Variants in HNRNPDL observed in about 807,000 individuals in gnomAD.
HNRNPDL encodes the protein heterogeneous nuclear ribonucleoprotein D like.
In HNRNPDL, 18 loss-of-function variants were observed where a neutral mutation model predicts 48.0. That is an observed-to-expected ratio of 0.38 (90% CI 0.26 to 0.56). The LOEUF is 0.56. Among genes scored for constraint, HNRNPDL ranks in the 20% least tolerant of loss-of-function variants. The pLI, the probability that HNRNPDL is intolerant of heterozygous loss-of-function variation, is 0.77. For missense variants in HNRNPDL, 553 were observed against 540.7 expected, an observed-to-expected ratio of 1.02 and a Z score of -0.23; for synonymous variants, 306 against 207.3, an observed-to-expected ratio of 1.48 and a Z score of -4.09.
In HNRNPDL at chr4:82,428,042, T is replaced by C. The variant is rs2110029329; in HGVS notation, c.750A>G (p.Lys250=). 1 of 1,614,110 alleles carries C rather than the reference T, an allele frequency of 6.2e-7. No individual in the cohort carries two copies. Among genetic ancestry groups the C allele is most frequent in the Non-Finnish European group, 8.5e-7 (1 of 1,180,006 alleles). The part of the protein sequence containing the change: ...LSPDTSEEQI[K]EYFGAFGEIE... ...CCTCTCCAAAGGCTCCAAAATATTC[T>C]TTAATTTGTTCTTCAGAAGTATCCG... The change falls in exon 3 of 8, where the codon AAA becomes AAG. Residue 250 remains lysine, a synonymous_variant. Transcript: ENST00000295470.
Position 82,426,760 on chromosome 4 carries a change from C to T in HNRNPDL, c.1022-127G>A. Reference sequence around the variant, plus strand: ...GAATGGACATATATATTGCTATCTGCTTGAAAAACTATTTTTCCAGCTGTT... The same window carrying T: ...GAATGGACATATATATTGCTATCTGTTTGAAAAACTATTTTTCCAGCTGTT... On this transcript the variant is annotated intron_variant, in intron 5 of 7. Transcript: ENST00000295470. 7 of 744,486 alleles carry T rather than the reference C, an allele frequency of 9.4e-6. No homozygotes were observed. The South Asian group carries it at 1.2e-4, about 13-fold the overall frequency. 46.1% of individuals were successfully genotyped at this position (744,486 alleles called of 1,614,324 possible).
intron 5 of HNRNPDL, 113 bp downstream of exon 5, chr4:82,427,077 C>T (rs1721442565): frequency 1.3e-6 from 1 of 799,002 alleles, no homozygotes; most frequent in Non-Finnish European, 2.2e-6. Flanking sequence ...ACAGTCCCCC[C>T]TCCGCTGGAA....
At position 82,429,593 on chromosome 4, in the gene HNRNPDL, C is replaced by G; in HGVS notation, c.98G>C (p.Arg33Pro). 1 of 1,375,594 alleles carries G rather than the reference C, an allele frequency of 7.3e-7. No individual in the cohort carries two copies. The highest frequency in any genetic ancestry group is 9.4e-7 in the Non-Finnish European group (1 of 1,068,716). The allele number at this position is 1,375,594 out of a possible 1,614,324, so 85.2% of individuals were successfully genotyped here. ...GAGCGGGGCTAGCTGCCGCGGCGGC[C>G]GCGGCCGCCAATGGGAGAGGCTGCG... ...ASRSLSHWRP[R>P]PPRQLAPLLP... Residue 33 changes from arginine to proline, a missense_variant, in exon 1 of 8, where the codon CGG becomes CCG. Around this residue, in one of 4 missense-constraint regions of HNRNPDL, gnomAD observed 327 missense variants for 203.2 expected, o/e 1.61. Transcript: ENST00000295470.
Position 82,423,868 on chromosome 4 carries a change from TTAAC to T in HNRNPDL, c.*1034_*1037del, listed in dbSNP as rs1721300151. 1.3e-5 allele frequency: 2 copies of T among 152,232 alleles called. No individual in the cohort carries two copies. Among genetic ancestry groups the T allele is most frequent in the Non-Finnish European group, 2.9e-5 (2 of 68,038 alleles). 9.4% of individuals were successfully genotyped at this position (152,232 alleles called of 1,614,324 possible). On this transcript the variant is annotated 3_prime_UTR_variant, in exon 8 of 8. Coordinates refer to ENST00000295470, the MANE Select transcript of HNRNPDL (RefSeq NM_031372.4). ...TATTCCTTTCTGAATATGTAAATATTTAACTACTTAGTTCATGCACTGTGTCAAA... is the reference window on the plus strand; with the variant it reads ...TATTCCTTTCTGAATATGTAAATATTTACTTAGTTCATGCACTGTGTCAAA...
chr4:82,427,309 AAAC>A lies in HNRNPDL; in HGVS notation c.907-8_907-6del. ...TTGTGCAACTTTGATTTCACACTAT[AAAC>A]AAAAAACATGAAAGTATAATTTTTA... On this transcript the variant is annotated splice_polypyrimidine_tract_variant and splice_region_variant and intron_variant, in intron 4 of 7. Transcript: ENST00000295470. The A allele has an allele frequency of 6.4e-7, 1 of 1,568,308 alleles. No homozygotes were observed. Among genetic ancestry groups the A allele is most frequent in the Non-Finnish European group, 8.6e-7 (1 of 1,158,764 alleles).
rs1187686165 is a variant in HNRNPDL at position 82,426,649 on chromosome 4, A to G, written c.1022-16T>C. On this transcript the variant is annotated splice_polypyrimidine_tract_variant and intron_variant, in intron 5 of 7. Transcript: ENST00000295470. The stretch of plus-strand genomic sequence containing the variant: ...TGGCCCTGACCTGAAACAATGCACA[A>G]TGATTGTTAGGAAACAACTTCTGAC... The G allele has an allele frequency of 1.2e-6, 2 of 1,610,504 alleles. No homozygotes were observed. Among genetic ancestry groups the G allele is most frequent in the African/African-American group, 1.3e-5 (1 of 74,966 alleles).
intron 1 of HNRNPDL, among the ~76,000 whole-genome samples, chr4:82,428,916 C>T (rs1291645075): frequency 6.6e-6 from 1 of 152,192 alleles, no homozygotes; most frequent in East Asian, 1.9e-4. Flanking sequence ...CGAGTGGTAA[C>T]AGAGACACAA....
rs960441080 is a variant in HNRNPDL at position 82,429,445 on chromosome 4, G to C, written c.246C>G (p.Arg82=). The C allele has an allele frequency of 6.2e-7, 1 of 1,608,378 alleles. No homozygotes were observed. Among genetic ancestry groups the C allele is most frequent in the Non-Finnish European group, 8.5e-7 (1 of 1,177,584 alleles). ...GAAIKGGRRR[R]PDLFRRHFKS... is the part of the protein sequence containing the mutation. ...TAAAATGGCGGCGGAAGAGATCCGG[G>C]CGCCGCCTGCGCCCTCCCTTTATAG... The change falls in exon 1 of 8, where the codon CGC becomes CGG. Residue 82 remains arginine (R), a synonymous_variant. Transcript: ENST00000295470.
In HNRNPDL at chr4:82,429,584, C is replaced by A. The variant is rs1289857424; in HGVS notation, c.107G>T (p.Arg36Leu). Reference protein sequence around the residue: ...SLSHWRPRPPRQLAPLLPSLA... With the variant: ...SLSHWRPRPPLQLAPLLPSLA... Reference sequence around the variant, plus strand: ...CGAAGGGAGGAGCGGGGCTAGCTGCCGCGGCGGCCGCGGCCGCCAATGGGA... The same window carrying A: ...CGAAGGGAGGAGCGGGGCTAGCTGCAGCGGCGGCCGCGGCCGCCAATGGGA... Residue 36 changes from arginine (R) to leucine (L), a missense_variant, in exon 1 of 8, where the codon CGG (arginine) becomes CTG (leucine). Physicochemically the swap from Arg to Leu is moderately radical, Grantham distance 102. This residue lies in a region of HNRNPDL where 327 missense variants were observed against 203.2 expected (regional missense o/e 1.61). Coordinates refer to ENST00000295470, the MANE Select transcript of HNRNPDL (RefSeq NM_031372.4). 2.2e-6 allele frequency: 3 copies of A among 1,376,714 alleles called. No homozygotes were observed. The Admixed American group carries it at 1.2e-4, about 54-fold the overall frequency. The allele number at this position is 1,376,714 out of a possible 1,614,324, so 85.3% of individuals were successfully genotyped here.
At chr4:82,428,488 A>G in intron 1 of HNRNPDL, 42 bp from the exon 2 acceptor site, 4 of 1,455,118 alleles carry the variant, frequency 2.7e-6, no homozygotes, top group Non-Finnish European at 3.8e-6. Flanking sequence ...ACAATAACTC[A>G]AATGATCCTT....
chr4:82,427,269 A>G lies in HNRNPDL; in HGVS notation c.942T>C (p.Tyr314=), dbSNP rs1721452494. The change falls in exon 5 of 8, where the codon TAT becomes TAC. Residue 314 remains tyrosine, a synonymous_variant. Coordinates refer to ENST00000295470, the MANE Select transcript of HNRNPDL (RefSeq NM_031372.4). ...CTTTTTGTTGTTGCTGTTGCTGCCTATATACCTCTTTGGGTTGTGCAACTT... is the reference window on the plus strand; with the variant it reads ...CTTTTTGTTGTTGCTGTTGCTGCCTGTATACCTCTTTGGGTTGTGCAACTT... The part of the protein sequence containing the change: ...EIKVAQPKEV[Y]RQQQQQQKGG... The G allele has an allele frequency of 6.2e-7, 1 of 1,613,468 alleles. No homozygotes were observed. The highest frequency in any genetic ancestry group is 1.1e-5 in the South Asian group (1 of 90,896).
intron 1 of HNRNPDL, 76 bp downstream of exon 1, chr4:82,429,172 G>C: frequency 7.4e-7 from 1 of 1,344,114 alleles, no homozygotes; most frequent in Non-Finnish European, 1.1e-6. Context: ...AATGGGGGCA[G>C]CGCGCGGCTC....
chr4:82,424,268 C>T lies in HNRNPDL; in HGVS notation c.*638G>A, dbSNP rs952673991. 2.6e-5 allele frequency: 4 copies of T among 152,180 alleles called. No individual in the cohort carries two copies. Among genetic ancestry groups the T allele is most frequent in the African/African-American group, 4.8e-5 (2 of 41,432 alleles). The allele number at this position is 152,180 out of a possible 1,614,324, so 9.4% of individuals were successfully genotyped here. ...AAAAATGGCTTTCCAGAGACAGGAA[C>T]AAAGTAAAAGGAGCTACTAACAATT... On this transcript the variant is annotated 3_prime_UTR_variant, in exon 8 of 8. Transcript: ENST00000295470.
Position 82,429,866 on chromosome 4 carries a change from G to A in HNRNPDL, c.-176C>T. 1 of 434,860 alleles carries A rather than the reference G, an allele frequency of 2.3e-6. No homozygotes were observed. Among genetic ancestry groups the A allele is most frequent in the South Asian group, 9.7e-5 (1 of 10,334 alleles). 26.9% of individuals were successfully genotyped at this position (434,860 alleles called of 1,614,324 possible). ...TGGGAGCCTTTGTCTCTGGCGTCCG[G>A]TCCAGCCCACTCCTACCAAAAAGCC... On this transcript the variant is annotated 5_prime_UTR_variant, in exon 1 of 8. Coordinates refer to ENST00000295470, the MANE Select transcript of HNRNPDL (RefSeq NM_031372.4).
intron 4 of HNRNPDL, 50 bp downstream of exon 4, chr4:82,427,383 A>C: frequency 6.5e-7 from 1 of 1,532,866 alleles, no homozygotes; most frequent in Non-Finnish European, 8.8e-7. Context: ...CACATCAAGA[A>C]ATTATTTCAA....
chr4:82,426,429 C>A (rs780049329), intron 6 of HNRNPDL, 34 bp downstream of exon 6: 1 of 1,552,490 alleles, frequency 6.4e-7, no homozygotes. Context: ...ATTTTAATAC[C>A]ACTGCTTTAT....
intron 3 of HNRNPDL, 37 bp from the exon 4 acceptor site, chr4:82,427,601 T>C (rs1721470675): frequency 4.4e-6 from 7 of 1,596,078 alleles, no homozygotes; most frequent in South Asian, 1.1e-5. Context: ...CATCCCATAA[T>C]TGTAAAACGT....
Position 82,429,608 on chromosome 4 carries a change from GA to G in HNRNPDL, c.82del (p.Ser28ProfsTer11). 7.2e-7 allele frequency: 1 copy of G among 1,383,596 alleles called. No homozygotes were observed. The highest frequency in any genetic ancestry group is 9.3e-7 in the Non-Finnish European group (1 of 1,071,842). 85.7% of individuals were successfully genotyped at this position (1,383,596 alleles called of 1,614,324 possible). A position where few individuals can be genotyped will look rare whatever the true frequency, so the allele number is the denominator to read the frequency against. On this transcript the variant is annotated frameshift_variant, in exon 1 of 8. Coordinates refer to ENST00000295470, the MANE Select transcript of HNRNPDL (RefSeq NM_031372.4). LOFTEE classifies it high-confidence loss of function. Reference protein sequence around the residue: ...APATLASRSLSHWRPRPPRQL... With the variant: ...APATLASRSLXHWRPRPPRQL... ...CCGCGGCGGCCGCGGCCGCCAATGG[GA>G]GAGGCTGCGGGAGGCTAAAGTAGCG... is the stretch of plus-strand genomic sequence containing the variant.
Position 82,427,283 on chromosome 4 carries a change from G to A in HNRNPDL, c.928C>T (p.Pro310Ser). ...TGTTGCTGCCTATATACCTCTTTGGGTTGTGCAACTTTGATTTCACACTAT... is the reference window on the plus strand; with the variant it reads ...TGTTGCTGCCTATATACCTCTTTGGATTGTGCAACTTTGATTTCACACTAT... ...SGKCEIKVAQ[P>S]KEVYRQQQQQ... Residue 310 changes from proline to serine, a missense_variant, in exon 5 of 8, where the codon CCC becomes TCC. Around this residue, in one of 4 missense-constraint regions of HNRNPDL, gnomAD observed 174 missense variants for 204.6 expected, o/e 0.85. Transcript: ENST00000295470. 1 of 1,602,382 alleles carries A rather than the reference G, an allele frequency of 6.2e-7. No homozygotes were observed. Among genetic ancestry groups the A allele is most frequent in the Non-Finnish European group, 8.5e-7 (1 of 1,176,752 alleles).
Sources: allele counts gnomAD v4.1 joint callset (sites outside exome capture counted in the v4.1 genomes callset), GRCh38; gene constraint gnomAD v4.1.1; regional missense constraint gnomAD v4.1.1; transcripts MANE v1.5; gene names NCBI Gene and HGNC (gene_info 2026-07-23, HGNC 2026-07-21).